The following FGD4 variants were observed in gnomAD, a reference collection of about 807,000 sequenced individuals.
FGD4 encodes FYVE, RhoGEF and PH domain containing 4.
Under a neutral mutation model 102.0 loss-of-function variants are expected in FGD4, and 42 were observed. The observed-to-expected ratio is 0.41, with a 90% confidence interval of 0.32 to 0.53. FGD4 has a LOEUF of 0.53. FGD4 is among the 20% of genes least tolerant of loss of function. The pLI is 0.21. For synonymous variants in FGD4, 380 were observed against 375.7 expected (o/e 1.01, Z -0.13); for missense variants, 902 against 1,078.2 (o/e 0.84, Z 2.29).
chr12:32,489,665 G>A (rs892547527), intron 1 of FGD4, among the ~76,000 whole-genome samples: 4 of 152,122 alleles, frequency 2.6e-5, no homozygotes, highest in Admixed American at 1.3e-4. Context: ...TGTATAACAG[G>A]TGCTTATTGA....
At chr12:32,558,298 A>G (rs531564826) in intron 1 of FGD4, among the ~76,000 whole-genome samples, 2 of 152,356 alleles carry the variant, frequency 1.3e-5, no homozygotes, top group African/African-American at 4.8e-5. Flanking sequence ...CTTATGGACA[A>G]TATGCTCCCA....
At chr12:32,596,870 G>A (rs1947937735) in intron 4 of FGD4, among the ~76,000 whole-genome samples, 1 of 151,562 alleles carries the variant, frequency 6.6e-6, no homozygotes, top group African/African-American at 2.4e-5. Context: ...GGGAGGCAGA[G>A]GTTGCGGTGA....
rs992554016 is a variant in FGD4, at chr12:32,627,379, C to T, written c.2172+1600C>T. On this transcript the variant is annotated intron_variant, in intron 14 of 16. Coordinates refer to ENST00000534526, the MANE Select transcript of FGD4 (RefSeq NM_001370298.3). ...CCATGTTGGCCAGGCTGGTCTCGAACTCCTGACTTTGTGACCTGCCCACCT... is the reference window on the plus strand; with the variant it reads ...CCATGTTGGCCAGGCTGGTCTCGAATTCCTGACTTTGTGACCTGCCCACCT... Among the ~76,000 whole-genome samples, 2 of 152,060 alleles carry T rather than the reference C, an allele frequency of 1.3e-5. 1 individual carries two copies. The highest frequency in any genetic ancestry group is 4.2e-4 in the South Asian group (2 of 4,816).
At chr12:32,480,199 C>T (rs1410030872) in intron 1 of FGD4, among the ~76,000 whole-genome samples, 2 of 149,136 alleles carry the variant, frequency 1.3e-5, no homozygotes, top group African/African-American at 4.9e-5. Flanking sequence ...CTCGCTCTGT[C>T]ACCCAGAGCT....
At chr12:32,481,682 G>A (rs1943770215) in intron 1 of FGD4, among the ~76,000 whole-genome samples, 1 of 152,094 alleles carries the variant, frequency 6.6e-6, no homozygotes, top group Non-Finnish European at 1.5e-5. Flanking sequence ...TTAGCTGGGT[G>A]TGGTGGTGTG....
In FGD4 at chr12:32,582,360, C is replaced by G. The variant is rs376977755; in HGVS notation, c.904C>G (p.Leu302Val). The G allele has an allele frequency of 1.2e-5, 20 of 1,614,028 alleles. No homozygotes were observed. Among genetic ancestry groups the G allele is most frequent in the Non-Finnish European group, 1.7e-5 (20 of 1,180,026 alleles). ...SYRTPGIGPV[L>V]PLEERGAETE... ...CAGGACTCCAGGCATAGGCCCAGTG[C>G]TCCCCCTAGAAGAAAGAGGGGCAGA... The change falls in exon 4 of 17, where the codon CTC (leucine) becomes GTC (valine). Residue 302 changes from leucine to valine, a missense_variant. By Grantham distance (32) the Leu-to-Val change is conservative. Transcript: ENST00000534526.
At chr12:32,609,753 C>CT (rs1949025794) in intron 8 of FGD4, among the ~76,000 whole-genome samples, 2 of 152,140 alleles carry the variant, frequency 1.3e-5, no homozygotes, top group Admixed American at 6.5e-5. Context: ...TCCAGCAGTA[C>CT]ACTGAAGACA....
At chr12:32,503,692 T>C (rs1565782077) in intron 1 of FGD4, among the ~76,000 whole-genome samples, 1 of 152,240 alleles carries the variant, frequency 6.6e-6, no homozygotes, top group African/African-American at 2.4e-5. Flanking sequence ...ATAGTAGATA[T>C]ATGTCTGCCT....
At chr12:32,556,912 G>A in intron 1 of FGD4, 1 of 152,398 alleles carries the variant, frequency 6.6e-6, no homozygotes, top group African/African-American at 2.4e-5. Flanking sequence ...GTGTGCAGTG[G>A]CACAGTCTTG....
intron 1 of FGD4, among the ~76,000 whole-genome samples, chr12:32,430,359 T>C (rs371320393): frequency 8.7e-4 from 132 of 152,058 alleles, no homozygotes; most frequent in African/African-American, 3.1e-3. Flanking sequence ...AAACAAGAAA[T>C]AGTTTCCTGA....
chr12:32,617,059 A>T (rs1242078924), intron 10 of FGD4, among the ~76,000 whole-genome samples: 1 of 152,154 alleles, frequency 6.6e-6, no homozygotes, highest in Non-Finnish European at 1.5e-5. Flanking sequence ...CCATTCCTGG[A>T]TTAATTCATA....
At chr12:32,518,974 G>T (rs1302717306) in intron 1 of FGD4, among the ~76,000 whole-genome samples, 5 of 151,660 alleles carry the variant, frequency 3.3e-5, no homozygotes, top group African/African-American at 4.8e-5. Context: ...AATTAGCCGG[G>T]TGTGGTGGCA....
At chr12:32,432,378 C>T (rs1239341552) in intron 1 of FGD4, among the ~76,000 whole-genome samples, 4 of 151,266 alleles carry the variant, frequency 2.6e-5, no homozygotes, top group East Asian at 2.0e-4. Context: ...CATTTTGGGA[C>T]GCCGAGGCGG....
At chr12:32,424,687 A>G (rs570106816) in intron 1 of FGD4, among the ~76,000 whole-genome samples, 1 of 152,268 alleles carries the variant, frequency 6.6e-6, no homozygotes, top group South Asian at 2.1e-4. Flanking sequence ...ACTCCCACCA[A>G]CAGTGTAAAA....
intron 1 of FGD4, among the ~76,000 whole-genome samples, chr12:32,429,276 C>CA (rs1271541705): frequency 3.9e-5 from 6 of 152,198 alleles, no homozygotes; most frequent in African/African-American, 4.8e-5. Flanking sequence ...TTCTAACAGT[C>CA]AGGGTCCTCT....
intron 1 of FGD4, among the ~76,000 whole-genome samples, chr12:32,508,595 A>C (rs1939030429): frequency 1.3e-5 from 2 of 152,150 alleles, no homozygotes; most frequent in Non-Finnish European, 2.9e-5. Context: ...TTGTAGATCA[A>C]CTCTCTTCTT....
At chr12:32,469,443 T>G (rs1943356370) in intron 1 of FGD4, among the ~76,000 whole-genome samples, 1 of 150,740 alleles carries the variant, frequency 6.6e-6, no homozygotes, top group African/African-American at 2.4e-5. Context: ...CATGCCTGGA[T>G]AATTTTTTTG....
chr12:32,438,781 GT>G (rs1485298911), intron 1 of FGD4, among the ~76,000 whole-genome samples: 1 of 151,406 alleles, frequency 6.6e-6, no homozygotes, highest in Non-Finnish European at 1.5e-5. Context: ...AATTTTCTGT[GT>G]TTTTTTTAGT....
intron 1 of FGD4, among the ~76,000 whole-genome samples, chr12:32,520,528 C>T (rs935037188): frequency 6.6e-6 from 1 of 150,690 alleles, no homozygotes. Context: ...CTCTGCTTCC[C>T]GGTTTCACGC....
Sources: allele counts gnomAD v4.1 joint callset (sites outside exome capture counted in the v4.1 genomes callset), GRCh38; gene constraint gnomAD v4.1.1; transcripts MANE v1.5; gene names NCBI Gene and HGNC (gene_info 2026-07-23, HGNC 2026-07-21).